Variants in CIT observed in about 807,000 individuals in gnomAD.
CIT encodes citron Rho-interacting kinase.
In CIT, 79 loss-of-function variants were observed where a neutral mutation model predicts 272.7. The observed-to-expected ratio is 0.29, with a 90% CI of 0.24 to 0.35. The LOEUF is 0.35. CIT is among the 10% of genes least tolerant of loss of function. The pLI is 1.00. For synonymous variants in CIT, 948 were observed against 995.6 expected, an observed-to-expected ratio of 0.95 and a Z score of 0.90; for missense variants, 1,909 against 2,618.3, an observed-to-expected ratio of 0.73 and a Z score of 5.91.
At chr12:119,726,082 C>T (rs1022821792) in intron 28 of CIT, among the ~76,000 whole-genome samples, 9 of 151,650 alleles carry the variant, frequency 5.9e-5, no homozygotes, top group African/African-American at 1.2e-4. Flanking sequence ...GCAAAATACA[C>T]GACATAAAAT....
In CIT at chr12:119,688,120, G is replaced by C. The variant is rs547836461; in HGVS notation, c.*112C>G. On this transcript the variant is annotated 3_prime_UTR_variant, in exon 48 of 48. Transcript: ENST00000392521. ...CCGAGGTGGGTCTGGGCCCCGCTGA[G>C]CCAGAGGGTGGCTGAGCACGTGGGC... The C allele has an allele frequency of 3.3e-6, 4 of 1,214,490 alleles. No individual in the cohort carries two copies. In the South Asian group the frequency reaches 4.9e-5, roughly 15 times the overall value. 75.2% of individuals were successfully genotyped at this position (1,214,490 alleles called of 1,614,324 possible).
intron 2 of CIT, among the ~76,000 whole-genome samples, chr12:119,871,119 A>AT (rs1163308092): frequency 1.2e-4 from 1 of 8,694 alleles, no homozygotes; most frequent in African/African-American, 4.2e-4. Flanking sequence ...AGTCTGTCTT[A>AT]AAAAAAAAAA....
intron 13 of CIT, among the ~76,000 whole-genome samples, chr12:119,780,686 G>GA (rs1444102036): frequency 2.0e-5 from 3 of 152,134 alleles, no homozygotes; most frequent in Admixed American, 6.5e-5. Context: ...CCCAAGTCTA[G>GA]AAAAAATCAA....
At chr12:119,692,862 C>A (rs769048349) in intron 46 of CIT, among the ~76,000 whole-genome samples, 22 of 152,214 alleles carry the variant, frequency 1.4e-4, no homozygotes, top group Admixed American at 3.9e-4. Context: ...AAGGCCAGAA[C>A]CCCTGTCTCT....
In CIT at chr12:119,688,059, A is replaced by G; in HGVS notation, c.*173T>C. 2 of 682,442 alleles carry G rather than the reference A, an allele frequency of 2.9e-6. No homozygotes were observed. The highest frequency in any genetic ancestry group is 3.3e-4 in the Middle Eastern group (1 of 3,052). 42.3% of individuals were successfully genotyped at this position (682,442 alleles called of 1,614,324 possible). A position where few individuals can be genotyped will look rare whatever the true frequency, so the allele number is the denominator to read the frequency against. ...GGCGCTGACAGCTCCGAAGAGCCTC[A>G]GCCACCTGCCCCTCCTGGAGACAGG... On this transcript the variant is annotated 3_prime_UTR_variant, in exon 48 of 48. Coordinates refer to ENST00000392521, the MANE Select transcript of CIT (RefSeq NM_001206999.2).
chr12:119,861,926 G>C (rs1950350119), intron 3 of CIT, among the ~76,000 whole-genome samples: 1 of 152,202 alleles, frequency 6.6e-6, no homozygotes, highest in Non-Finnish European at 1.5e-5. Context: ...AACAGAACAA[G>C]ATGGCTCAGT....
intron 44 of CIT, among the ~76,000 whole-genome samples, chr12:119,699,297 A>T (rs1455353891): frequency 2.0e-5 from 3 of 152,058 alleles, no homozygotes; most frequent in Non-Finnish European, 2.9e-5. Context: ...TATTTTAAAA[A>T]AAAGACTGGG....
intron 23 of CIT, among the ~76,000 whole-genome samples, chr12:119,744,416 A>T (rs149409878): frequency 0.02 from 3,005 of 151,152 alleles, 35 homozygotes; most frequent in Non-Finnish European, 0.028. Context: ...AAAAAAAAAA[A>T]GTCTCCATAA....
At chr12:119,803,491 A>T in intron 9 of CIT, 102 bp from the exon 10 acceptor site, 1 of 809,972 alleles carries the variant, frequency 1.2e-6, no homozygotes, top group Non-Finnish European at 1.9e-6. Context: ...GGCGCTGGCG[A>T]TGGCACTGCA....
intron 7 of CIT, among the ~76,000 whole-genome samples, chr12:119,826,913 CG>C (rs1393946025): frequency 6.6e-6 from 1 of 152,064 alleles, no homozygotes; most frequent in East Asian, 1.9e-4. Context: ...CTCCTCTCCC[CG>C]GGGCTGATTC....
At chr12:119,831,865 G>A (rs1187654656) in intron 7 of CIT, among the ~76,000 whole-genome samples, 4 of 151,888 alleles carry the variant, frequency 2.6e-5, no homozygotes, top group East Asian at 1.9e-4. Flanking sequence ...GCGAGACTCC[G>A]TCTCAAAAAA....
chr12:119,873,489 G>A (rs770923063), intron 2 of CIT, among the ~76,000 whole-genome samples: 25 of 150,772 alleles, frequency 1.7e-4, no homozygotes, highest in Non-Finnish European at 3.1e-4. Flanking sequence ...CATGTTGCCC[G>A]GGCTGCTCTC....
intron 3 of CIT, among the ~76,000 whole-genome samples, chr12:119,863,497 A>G (rs1446415136): frequency 1.3e-5 from 2 of 151,876 alleles, no homozygotes; most frequent in Non-Finnish European, 2.9e-5. Context: ...ACATTTACCC[A>G]TGAACCTAAA....
At chr12:119,734,515 T>C in intron 25 of CIT, 158 bp from the exon 26 acceptor site, 1 of 743,032 alleles carries the variant, frequency 1.3e-6, no homozygotes, top group Non-Finnish European at 2.3e-6. Context: ...CAGGCAAGAA[T>C]GGATGAAGGG....
intron 10 of CIT, among the ~76,000 whole-genome samples, chr12:119,798,908 G>C (rs1028243999): frequency 1.3e-5 from 2 of 152,200 alleles, no homozygotes; most frequent in Non-Finnish European, 2.9e-5. Flanking sequence ...CTGCAGCAAT[G>C]GTGTTTGCTT....
intron 9 of CIT, among the ~76,000 whole-genome samples, chr12:119,808,836 T>A (rs1311768502): frequency 6.6e-6 from 1 of 152,246 alleles, no homozygotes; most frequent in East Asian, 1.9e-4. Flanking sequence ...AAAATAGCTA[T>A]CTTCCAGTTG....
At chr12:119,702,085 C>T (rs941825657) in intron 41 of CIT, 127 bp from the exon 42 acceptor site, 15 of 687,318 alleles carry the variant, frequency 2.2e-5, no homozygotes, top group Admixed American at 8.1e-5. Context: ...AGCTTGTTCA[C>T]GTTGTCATAG....
At chr12:119,788,676 C>T (rs187299833) in intron 10 of CIT, among the ~76,000 whole-genome samples, 10 of 152,096 alleles carry the variant, frequency 6.6e-5, no homozygotes, top group Admixed American at 2.0e-4. Flanking sequence ...CCAAAAAAAA[C>T]GAAAGGCACT....
At chr12:119,845,412 G>A (rs1417757967) in intron 5 of CIT, among the ~76,000 whole-genome samples, 1 of 151,764 alleles carries the variant, frequency 6.6e-6, no homozygotes, top group East Asian at 1.9e-4. Context: ...CATCACTCTG[G>A]GAGGCTGAGG....
Sources: gnomAD v4.1 joint callset for allele counts (sites outside exome capture counted in the v4.1 genomes callset) on GRCh38, gnomAD v4.1.1 for gene constraint, MANE v1.5 for transcripts, NCBI Gene and HGNC (gene_info 2026-07-23, HGNC 2026-07-21) for gene names.